DOCK7: variants seen among roughly 807,000 people sequenced by gnomAD.
DOCK7 encodes dedicator of cytokinesis protein 7.
Under a neutral mutation model 271.0 loss-of-function variants are expected in DOCK7, and 138 were observed. The ratio of observed to expected loss-of-function variants is 0.51; its 90% CI spans 0.44 to 0.59. The LOEUF (loss-of-function observed/expected upper bound fraction) is 0.59, where lower values mean the gene tolerates loss of function less well. DOCK7 is among the 20% of genes least tolerant of loss of function. The pLI, the probability that DOCK7 is intolerant of heterozygous loss-of-function variation, is 0.00. For missense variants in DOCK7, 2,066 were observed against 2,592.4 expected, an observed-to-expected ratio of 0.80 and a Z score of 4.41; for synonymous variants, 823 against 876.1, an observed-to-expected ratio of 0.94 and a Z score of 1.07.
rs150501090 is a variant in DOCK7 at position 62,575,177 on chromosome 1, C to T, written c.2112+2085G>A. ...TCAAGAAGCTGGGATTACAGGTGTGCCACTGCATCCTGCTCTGGAAATATT... is the reference window on the plus strand; with the variant it reads ...TCAAGAAGCTGGGATTACAGGTGTGTCACTGCATCCTGCTCTGGAAATATT... On this transcript the variant is annotated intron_variant, in intron 18 of 49. Transcript: ENST00000635253. Among the ~76,000 whole-genome samples the T allele has an allele frequency of 6.1e-3, 929 of 152,258 alleles. 6 individuals are homozygous for T. The highest frequency in any genetic ancestry group is 0.021 in the African/African-American group (891 of 41,530).
chr1:62,476,702 T>C (rs974048730), intron 44 of DOCK7, among the ~76,000 whole-genome samples: 3 of 152,224 alleles, frequency 2.0e-5, no homozygotes, highest in East Asian at 1.9e-4. Context: ...CTACTCCATA[T>C]GACACTGAGT....
chr1:62,600,881 C>G (rs1012256126), intron 14 of DOCK7, among the ~76,000 whole-genome samples: 1 of 151,480 alleles, frequency 6.6e-6, no homozygotes, highest in Admixed American at 6.6e-5. Context: ...ATTTTTTTAT[C>G]TTATTAAATA....
At position 62,475,349 on chromosome 1, in the gene DOCK7, G is replaced by C; in HGVS notation, c.5964C>G (p.Ile1988Met). The change falls in exon 47 of 50, where the codon ATC becomes ATG. Residue 1988 changes from isoleucine (I) to methionine (M), a missense_variant and splice_region_variant. Ile to Met is a conservative substitution (Grantham distance 10). Coordinates refer to ENST00000635253, the MANE Select transcript of DOCK7 (RefSeq NM_001367561.1). ...TAGCAACTTCAATTGGTGTTAAGAT[G>C]ATCTGAGTAAAAGAGCATCTGTTAA... ...TRVNVTHKEE[I>M]ILTPIEVAIE... 1 of 1,613,572 alleles carries C rather than the reference G, an allele frequency of 6.2e-7. No individual in the cohort carries two copies. Among genetic ancestry groups the C allele is most frequent in the South Asian group, 1.1e-5 (1 of 91,018 alleles).
intron 48 of DOCK7, among the ~76,000 whole-genome samples, chr1:62,466,046 T>A (rs1432512768): frequency 6.6e-6 from 1 of 152,062 alleles, no homozygotes; most frequent in Non-Finnish European, 1.5e-5. Context: ...TAGAAAGAGG[T>A]TTGCCTTTTT....
chr1:62,598,460 C>A (rs1027114935), intron 14 of DOCK7, among the ~76,000 whole-genome samples: 2 of 151,872 alleles, frequency 1.3e-5, no homozygotes, highest in African/African-American at 4.8e-5. Context: ...ATATGCTGGG[C>A]TTTTTCTTTT....
chr1:62,672,380 C>T (rs1313713720), intron 1 of DOCK7, among the ~76,000 whole-genome samples: 1 of 152,008 alleles, frequency 6.6e-6, no homozygotes, highest in African/African-American at 2.4e-5. Flanking sequence ...TTTTGTTATA[C>T]CTCAATCTTT....
intron 11 of DOCK7, chr1:62,628,552 G>T (rs139846433): frequency 6.6e-6 from 1 of 152,096 alleles, no homozygotes; most frequent in Non-Finnish European, 1.5e-5. Context: ...ACTCAAAATG[G>T]ATTATTATAA....
chr1:62,639,676 G>A (rs1476975095), intron 7 of DOCK7, among the ~76,000 whole-genome samples: 2 of 151,780 alleles, frequency 1.3e-5, no homozygotes, highest in Admixed American at 6.6e-5. Flanking sequence ...TGATCCACCT[G>A]CCTCGGCCTC....
intron 43 of DOCK7, chr1:62,478,943 A>C (rs1337807142): frequency 6.6e-6 from 1 of 152,112 alleles, no homozygotes; most frequent in Non-Finnish European, 1.5e-5. Flanking sequence ...TTCAATAAAG[A>C]TAAATATTTG....
intron 8 of DOCK7, chr1:62,635,165 G>T: frequency 3.4e-6 from 1 of 292,956 alleles, no homozygotes; most frequent in Non-Finnish European, 6.2e-6. Flanking sequence ...ACAGATAGTA[G>T]GATATTATAC....
In DOCK7 at chr1:62,625,241, T is replaced by C; in HGVS notation, c.1425+18A>G. The stretch of plus-strand genomic sequence containing the variant: ...TGCACAAACATCTCCCCAAAATTCC[T>C]ACATGACAGAACAATACCTGCTTAA... On this transcript the variant is annotated intron_variant, in intron 12 of 49. Coordinates refer to ENST00000635253, the MANE Select transcript of DOCK7 (RefSeq NM_001367561.1). The C allele has an allele frequency of 6.2e-7, 1 of 1,611,472 alleles. No homozygotes were observed. The highest frequency in any genetic ancestry group is 1.1e-5 in the South Asian group (1 of 90,524).
At chr1:62,517,002 G>A (rs1644681226) in intron 31 of DOCK7, among the ~76,000 whole-genome samples, 1 of 152,164 alleles carries the variant, frequency 6.6e-6, no homozygotes, top group South Asian at 2.1e-4. Context: ...ATCTCCAGAA[G>A]ACTGGCCCTT....
rs1159419827 is a variant in DOCK7, at chr1:62,654,077, A to G, written c.227T>C (p.Leu76Ser). 3.1e-6 allele frequency: 5 copies of G among 1,613,890 alleles called. No homozygotes were observed. The highest frequency in any genetic ancestry group is 4.5e-5 in the East Asian group (2 of 44,876). ...THPLAVDSGPLRDLIEFPPDD... is the reference protein window; with the variant it reads ...THPLAVDSGPSRDLIEFPPDD... The stretch of plus-strand genomic sequence containing the variant: ...TGGAGGAAATTCAATCAAATCCCGT[A>G]AAGGCCCAGAATCCACAGCCAAAGG... The change falls in exon 3 of 50, where the codon TTA (leucine) becomes TCA (serine). Residue 76 changes from leucine to serine, a missense_variant. By Grantham distance (145) the Leu-to-Ser change is moderately radical (BLOSUM62 -2). This residue lies in a region of DOCK7 where 1,414 missense variants were observed against 1,670.4 expected (regional missense o/e 0.85). Transcript: ENST00000635253.
rs780945471 is a variant in DOCK7 at position 62,543,678 on chromosome 1, G to T, written c.2927C>A (p.Thr976Lys). 1 of 1,602,324 alleles carries T rather than the reference G, an allele frequency of 6.2e-7. No homozygotes were observed. Among genetic ancestry groups the T allele is most frequent in the South Asian group, 1.1e-5 (1 of 89,664 alleles). ...TACCTTTTTAGTTGGTAAGCGTCCC[G>T]TTAATGTTTGTAAGAAACTTGACGT... ...TETSSFLQTL[T>K]GRLPTKKLFH... The change falls in exon 24 of 50, where the codon ACG (threonine) becomes AAG (lysine). Residue 976 changes from threonine to lysine, a missense_variant. Coordinates refer to ENST00000635253, the MANE Select transcript of DOCK7 (RefSeq NM_001367561.1).
At chr1:62,533,439 A>AT (rs141381355) in intron 29 of DOCK7, among the ~76,000 whole-genome samples, 87,950 of 151,208 alleles carry the variant, frequency 0.58, 27,208 homozygotes, top group East Asian at 0.76. Flanking sequence ...TCCTTTATTT[A>AT]TTTTTTTTAA....
chr1:62,620,093 G>A (rs1454537650), intron 12 of DOCK7, 100 bp from the exon 13 acceptor site: 15 of 847,574 alleles, frequency 1.8e-5, no homozygotes, highest in Non-Finnish European at 2.4e-5. Flanking sequence ...GCTGAGGCGG[G>A]CGGATCATAT....
Position 62,633,776 on chromosome 1 carries a change from A to G in DOCK7, c.1036-198T>C, listed in dbSNP as rs1162917765. ...AACGCTCAACAAAGTAGTAATGCAA[A>G]GAAACTACCATAATAAAGGCCATAT... On this transcript the variant is annotated intron_variant, in intron 9 of 49. Coordinates refer to ENST00000635253, the MANE Select transcript of DOCK7 (RefSeq NM_001367561.1). 2.2e-5 allele frequency: 11 copies of G among 509,532 alleles called. No individual in the cohort carries two copies. In the Admixed American group the frequency reaches 2.5e-4, roughly 12 times the overall value. 31.6% of individuals were successfully genotyped at this position (509,532 alleles called of 1,614,324 possible).
At chr1:62,466,697 C>G (rs760362226) in intron 48 of DOCK7, among the ~76,000 whole-genome samples, 1 of 151,978 alleles carries the variant, frequency 6.6e-6, no homozygotes, top group African/African-American at 2.4e-5. Context: ...TTTGGGAATC[C>G]GAGGCAGGTG....
At chr1:62,581,568 T>C (rs1206425499) in intron 16 of DOCK7, among the ~76,000 whole-genome samples, 1 of 152,114 alleles carries the variant, frequency 6.6e-6, no homozygotes, top group Non-Finnish European at 1.5e-5. Context: ...AAGGTATTAC[T>C]AAAAATAGAG....
Sources: allele counts gnomAD v4.1 joint callset (sites outside exome capture counted in the v4.1 genomes callset), GRCh38; gene constraint gnomAD v4.1.1; regional missense constraint gnomAD v4.1.1; transcripts MANE v1.5; gene names NCBI Gene and HGNC (gene_info 2026-07-23, HGNC 2026-07-21).